Variants in C12orf42 observed in about 807,000 individuals in gnomAD.
C12orf42 encodes chromosome 12 open reading frame 42, also known as uncharacterized protein C12orf42.
A neutral mutation model predicts 21.6 loss-of-function variants in C12orf42; 25 were observed. The ratio of observed to expected loss-of-function variants is 1.16; its 90% CI spans 0.84 to 1.62. The LOEUF (loss-of-function observed/expected upper bound fraction) is 1.62, where lower values mean the gene tolerates loss of function less well. C12orf42 is among the 40% of genes most tolerant of loss of function. The pLI, the probability that C12orf42 is intolerant of heterozygous loss-of-function variation, is 0.00. For synonymous variants in C12orf42, 174 were observed against 175.0 expected (o/e 0.99, Z 0.05); for missense variants, 483 against 459.3 (o/e 1.05, Z -0.47).
At chr12:103,486,701 G>A (rs1439574555) in intron 1 of C12orf42, among the ~76,000 whole-genome samples, 1 of 152,132 alleles carries the variant, frequency 6.6e-6, no homozygotes, top group Non-Finnish European at 1.5e-5. Flanking sequence ...GGGTGTATAT[G>A]TCCAGGAATT....
chr12:103,484,444 G>T (rs1954680651), intron 1 of C12orf42, among the ~76,000 whole-genome samples: 1 of 152,208 alleles, frequency 6.6e-6, no homozygotes, highest in Non-Finnish European at 1.5e-5. Context: ...GTGTCTCTTG[G>T]CTGCATAAAT....
the C12orf42 span, among the ~76,000 whole-genome samples, chr12:103,157,892 G>A: frequency 7.9e-5 from 12 of 152,212 alleles, no homozygotes; most frequent in Middle Eastern, 3.4e-3. Context: ...GCAGAAACAT[G>A]ACCATATATG....
chr12:103,368,036 CTTCA>C (rs1452599612), intron 4 of C12orf42: 1 of 1,272,342 alleles, frequency 7.9e-7, no homozygotes, highest in Non-Finnish European at 1.0e-6. Context: ...GTCCTAAAAA[CTTCA>C]TTATCTCTTA....
the C12orf42 span, among the ~76,000 whole-genome samples, chr12:103,082,412 T>C: frequency 2.6e-5 from 4 of 152,232 alleles, no homozygotes; most frequent in African/African-American, 7.2e-5. Context: ...CCAGTGTTTT[T>C]CCCCCATTTC....
chr12:103,487,878 C>T (rs1223220691), intron 1 of C12orf42, among the ~76,000 whole-genome samples: 2 of 152,156 alleles, frequency 1.3e-5, no homozygotes, highest in East Asian at 3.8e-4. Flanking sequence ...CTCCTGAATA[C>T]AGCACACTAA....
At chr12:103,482,021 C>A (rs911927863) in intron 1 of C12orf42, among the ~76,000 whole-genome samples, 3 of 152,002 alleles carry the variant, frequency 2.0e-5, no homozygotes, top group Non-Finnish European at 4.4e-5. Flanking sequence ...AAATTCAAAG[C>A]TGTTGTTGTC....
the C12orf42 span, among the ~76,000 whole-genome samples, chr12:103,078,248 C>A: frequency 6.6e-6 from 1 of 152,158 alleles, no homozygotes; most frequent in Non-Finnish European, 1.5e-5. Flanking sequence ...TAGGTTACTG[C>A]CCATTTTCAA....
At chr12:103,355,814 C>G (rs1400425393) in intron 4 of C12orf42, among the ~76,000 whole-genome samples, 1 of 152,040 alleles carries the variant, frequency 6.6e-6, no homozygotes, top group Non-Finnish European at 1.5e-5. Context: ...TAATTGTCCT[C>G]CCTTAGTATT....
rs555051857 is a variant in C12orf42, at chr12:103,286,323, A to C, written n.338-9113T>G. ...TAAAAATAAATAAATAAATGAACAG[A>C]GTATTTTCACATGAAGAGGTAGCAT... On this transcript the variant is annotated intron_variant and non_coding_transcript_variant, in intron 4 of 6. Transcript: ENST00000546526. Among the ~76,000 whole-genome samples the C allele has an allele frequency of 2.6e-5, 4 of 151,580 alleles. No individual in the cohort carries two copies. In the South Asian group the frequency reaches 8.3e-4, roughly 31 times the overall value.
the C12orf42 span, among the ~76,000 whole-genome samples, chr12:103,104,923 T>C: frequency 6.6e-6 from 1 of 152,126 alleles, no homozygotes; most frequent in South Asian, 2.1e-4. Context: ...TTGTCTCTGT[T>C]TGAGGCTCTA....
chr12:103,189,174 G>T, the C12orf42 span, among the ~76,000 whole-genome samples: 1 of 152,222 alleles, frequency 6.6e-6, no homozygotes, highest in East Asian at 1.9e-4. Context: ...GCATCTACTT[G>T]CTTCAGGTAG....
the C12orf42 span, chr12:103,548,023 T>C: frequency 9.2e-5 from 14 of 152,294 alleles, no homozygotes; most frequent in Admixed American, 5.2e-4. Flanking sequence ...GTTCAAACAG[T>C]TTATATGTAT....
chr12:103,361,080 T>C (rs1361491447), intron 4 of C12orf42, among the ~76,000 whole-genome samples: 2 of 152,050 alleles, frequency 1.3e-5, no homozygotes, highest in South Asian at 2.1e-4. Context: ...GAGACTTATA[T>C]CATGAACTTT....
At chr12:103,119,587 T>C in the C12orf42 span, among the ~76,000 whole-genome samples, 1 of 152,180 alleles carries the variant, frequency 6.6e-6, no homozygotes, top group African/African-American at 2.4e-5. Context: ...AATGGAATCA[T>C]TGTGCCGCGT....
the C12orf42 span, among the ~76,000 whole-genome samples, chr12:103,054,053 C>A: frequency 6.6e-6 from 1 of 151,810 alleles, no homozygotes; most frequent in African/African-American, 2.4e-5. Context: ...TTTCCAAAAT[C>A]ATTTTAGTTA....
chr12:103,118,791 A>AAAAAAAAAAAAAAC, the C12orf42 span, among the ~76,000 whole-genome samples: 1 of 150,016 alleles, frequency 6.7e-6, no homozygotes, highest in African/African-American at 2.5e-5. Context: ...AAAAAAAAAA[A>AAAAAAAAAAAAAAC]AAAAAAAAAA....
chr12:103,214,201 G>A, the C12orf42 span, among the ~76,000 whole-genome samples: 2 of 152,172 alleles, frequency 1.3e-5, no homozygotes, highest in Admixed American at 1.3e-4. Flanking sequence ...ATGACTGGAT[G>A]CTTGTGCCTT....
chr12:103,132,677 G>T, the C12orf42 span, among the ~76,000 whole-genome samples: 1 of 152,144 alleles, frequency 6.6e-6, no homozygotes, highest in African/African-American at 2.4e-5. Flanking sequence ...ACCAAGGTTG[G>T]CTGCTACCTT....
chr12:103,381,832 G>T (rs553338147), intron 3 of C12orf42, among the ~76,000 whole-genome samples: 9 of 152,200 alleles, frequency 5.9e-5, no homozygotes, highest in African/African-American at 1.2e-4. Context: ...CAGGAGAATG[G>T]CATGAACCTG....
Sources: gnomAD v4.1 joint callset for allele counts (sites outside exome capture counted in the v4.1 genomes callset) on GRCh38, gnomAD v4.1.1 for gene constraint, MANE v1.5 for transcripts, NCBI Gene and HGNC (gene_info 2026-07-23, HGNC 2026-07-21) for gene names.